Variants in PTPRN2 observed in about 807,000 individuals in gnomAD.
The protein encoded by PTPRN2 is protein tyrosine phosphatase receptor type N2.
Under a neutral mutation model 118.8 loss-of-function variants are expected in PTPRN2, and 74 were observed. That is an observed-to-expected ratio of 0.62 (90% confidence interval 0.52 to 0.76). The LOEUF is 0.76. Among genes scored for constraint, PTPRN2 ranks in the 30% least tolerant of loss-of-function variants. PTPRN2 has a pLI of 0.00. For synonymous variants in PTPRN2, 641 were observed against 608.0 expected (o/e 1.05, Z -0.80); for missense variants, 1,481 against 1,394.4 (o/e 1.06, Z -0.99).
chr7:157,621,637 C>T (rs1803254976), intron 14 of PTPRN2, 128 bp from the exon 15 acceptor site: 4 of 1,192,894 alleles, frequency 3.4e-6, no homozygotes, highest in East Asian at 2.3e-5. Context: ...GAGCCTGGGC[C>T]ATGGTGCGAC....
chr7:158,095,418 C>G (rs1328192718), intron 10 of PTPRN2, among the ~76,000 whole-genome samples: 3 of 151,924 alleles, frequency 2.0e-5, no homozygotes, highest in African/African-American at 7.3e-5. Context: ...GAAAGCTACC[C>G]TTTATTTGGT....
intron 5 of PTPRN2, among the ~76,000 whole-genome samples, chr7:158,191,709 C>T (rs867771797): frequency 5.3e-5 from 8 of 152,156 alleles, no homozygotes; most frequent in Admixed American, 6.5e-5. Flanking sequence ...GTCCTTGCAG[C>T]TCCCACTCGC....
intron 12 of PTPRN2, among the ~76,000 whole-genome samples, chr7:157,713,423 G>A (rs540336204): frequency 2.6e-5 from 4 of 152,046 alleles, no homozygotes; most frequent in Admixed American, 1.3e-4. Context: ...GTGTACGTAG[G>A]TAGAAATTTA....
chr7:158,459,006 G>A lies in PTPRN2; in HGVS notation c.163+30729C>T, dbSNP rs1818748523. ...GAGGCAGGAGACGGCAACATCTGTG[G>A]GGGCACAGGAGAGAGAGGACAGGGT... On this transcript the variant is annotated intron_variant, in intron 2 of 22. Coordinates refer to ENST00000389418, the MANE Select transcript of PTPRN2 (RefSeq NM_002847.5). 6.6e-5 allele frequency among the ~76,000 whole-genome samples: 10 copies of A among 152,322 alleles called. No homozygotes were observed. In the South Asian group the frequency reaches 2.1e-3, roughly 32 times the overall value.
chr7:158,434,786 C>A (rs1816463567), intron 2 of PTPRN2, among the ~76,000 whole-genome samples: 1 of 151,950 alleles, frequency 6.6e-6, no homozygotes, highest in Non-Finnish European at 1.5e-5. Context: ...CCTTTCTTAG[C>A]TTGTTAGCTA....
In PTPRN2 at chr7:157,671,611, T is replaced by C. The variant is rs2150781613; in HGVS notation, c.2001+11114A>G. ...AGGGACACAAAAGGTATTCACATCC[T>C]TCCATTCGGTGGCCACCACAGCTTA... On this transcript the variant is annotated intron_variant, in intron 13 of 22. Transcript: ENST00000389418. The surrounding 1 kb of genome is among the most constrained non-coding windows in gnomAD (Gnocchi z 4.1). Among the ~76,000 whole-genome samples, 1 of 152,168 alleles carries C rather than the reference T, an allele frequency of 6.6e-6. No individual in the cohort carries two copies. The highest frequency in any genetic ancestry group is 2.1e-4 in the South Asian group (1 of 4,802).
rs1800997609 is a variant in PTPRN2 at position 157,591,774 on chromosome 7, C to A, written c.2496+3464G>T. On this transcript the variant is annotated intron_variant, in intron 17 of 22. Coordinates refer to ENST00000389418, the MANE Select transcript of PTPRN2 (RefSeq NM_002847.5). This position sits in a 1 kb window ranked among gnomAD's most constrained non-coding sequence, Gnocchi z 4.4. ...AATGTGACTGTGCTAGGAAGCAACT[C>A]TCCTCCATCCTGCTCTGTGTGGATT... Among the ~76,000 whole-genome samples the A allele has an allele frequency of 6.6e-6, 1 of 152,242 alleles. No homozygotes were observed. The highest frequency in any genetic ancestry group is 2.4e-5 in the African/African-American group (1 of 41,474).
At chr7:157,665,648 G>T (rs1465745028) in intron 13 of PTPRN2, among the ~76,000 whole-genome samples, 1 of 152,154 alleles carries the variant, frequency 6.6e-6, no homozygotes, top group Admixed American at 6.5e-5. Context: ...CTAAGAAAAG[G>T]ACTATAAATC....
chr7:158,153,858 G>T (rs1419746683), intron 6 of PTPRN2, among the ~76,000 whole-genome samples: 3 of 150,222 alleles, frequency 2.0e-5, no homozygotes, highest in Non-Finnish European at 3.0e-5. Flanking sequence ...GGGACAGAGA[G>T]CAGCCGGCTG....
chr7:158,167,055 G>A lies in PTPRN2; in HGVS notation c.786C>T (p.Ser262=). ...QRPPAPPGEG[S]LEPQYLLRAP... is the part of the protein sequence containing the mutation. The stretch of plus-strand genomic sequence containing the variant: ...CACGCAGAAGGTACTGTGGCTCCAG[G>A]CTGCCCTCCCCGGGGGGAGCTGGGG... Residue 262 remains serine (S), a synonymous_variant, in exon 6 of 23, where the codon AGC becomes AGT. Transcript: ENST00000389418. 1 of 1,577,108 alleles carries A rather than the reference G, an allele frequency of 6.3e-7. No homozygotes were observed. Among genetic ancestry groups the A allele is most frequent in the South Asian group, 1.2e-5 (1 of 86,770 alleles).
chr7:157,765,823 C>T (rs1382127731), intron 12 of PTPRN2, among the ~76,000 whole-genome samples: 1 of 150,856 alleles, frequency 6.6e-6, no homozygotes, highest in East Asian at 2.0e-4. Context: ...ATCCATCATC[C>T]ATTCTTCCTC....
intron 3 of PTPRN2, 89 bp from the exon 4 acceptor site, chr7:158,205,362 C>A: frequency 1.1e-6 from 1 of 930,852 alleles, no homozygotes; most frequent in Non-Finnish European, 1.7e-6. Context: ...TGCATTTCAG[C>A]ATTAAGTTGA....
At chr7:158,372,941 T>TCC (rs1259597336) in intron 2 of PTPRN2, among the ~76,000 whole-genome samples, 1 of 152,098 alleles carries the variant, frequency 6.6e-6, no homozygotes, top group African/African-American at 2.4e-5. Context: ...CTTCCGGGCA[T>TCC]CCCTCCTGCA....
chr7:157,623,684 T>C (rs1803397770), intron 14 of PTPRN2, among the ~76,000 whole-genome samples: 1 of 152,056 alleles, frequency 6.6e-6, no homozygotes, highest in Admixed American at 6.6e-5. Flanking sequence ...TGGCCCAAGG[T>C]TGGGTGGTAG....
chr7:158,294,376 T>C (rs1800320197), intron 3 of PTPRN2, among the ~76,000 whole-genome samples: 1 of 152,196 alleles, frequency 6.6e-6, no homozygotes, highest in African/African-American at 2.4e-5. Flanking sequence ...AGTGATGAAA[T>C]TACATGAGAG....
chr7:157,861,187 G>A lies in PTPRN2; in HGVS notation c.1788+37486C>T, dbSNP rs1191365096. 6.6e-6 allele frequency among the ~76,000 whole-genome samples: 1 copy of A among 152,214 alleles called. No homozygotes were observed. The highest frequency in any genetic ancestry group is 1.5e-5 in the Non-Finnish European group (1 of 68,044). Reference sequence around the variant, plus strand: ...CAGCTCAGGGAGGCACCCTGTGCGTGCTCCATGGTGACACTGCCCCACGGG... The same window carrying A: ...CAGCTCAGGGAGGCACCCTGTGCGTACTCCATGGTGACACTGCCCCACGGG... On this transcript the variant is annotated intron_variant, in intron 12 of 22. Coordinates refer to ENST00000389418, the MANE Select transcript of PTPRN2 (RefSeq NM_002847.5). This position sits in a 1 kb window ranked among gnomAD's most constrained non-coding sequence, Gnocchi z 5.8.
chr7:157,684,709 C>T (rs1797088140), intron 12 of PTPRN2, among the ~76,000 whole-genome samples: 1 of 151,722 alleles, frequency 6.6e-6, no homozygotes, highest in South Asian at 2.1e-4. Flanking sequence ...GTCTCCTGCG[C>T]GCCCCTCCCC....
chr7:158,540,349 C>T (rs1450500025), intron 1 of PTPRN2, among the ~76,000 whole-genome samples: 1 of 152,184 alleles, frequency 6.6e-6, no homozygotes, highest in Non-Finnish European at 1.5e-5. Context: ...CTCCCTCGGG[C>T]CAGAGGAGCC....
chr7:157,684,385 G>C (rs1375855593), intron 12 of PTPRN2, among the ~76,000 whole-genome samples: 1 of 148,412 alleles, frequency 6.7e-6, no homozygotes, highest in African/African-American at 2.5e-5. Context: ...GAAAGGGGGA[G>C]GGAGAGGGAA....
Sources: allele counts gnomAD v4.1 joint callset (sites outside exome capture counted in the v4.1 genomes callset), GRCh38; gene constraint gnomAD v4.1.1; non-coding constraint Gnocchi (gnomAD v3.1); transcripts MANE v1.5; gene names NCBI Gene and HGNC (gene_info 2026-07-23, HGNC 2026-07-21).